CSMD1: variants seen among roughly 807,000 people sequenced by gnomAD.
CSMD1 encodes CUB and Sushi multiple domains 1, also known as CUB and sushi domain-containing protein 1.
A neutral mutation model predicts 417.5 loss-of-function variants in CSMD1; 213 were observed. The observed-to-expected ratio is 0.51, with a 90% CI of 0.46 to 0.57. The LOEUF (loss-of-function observed/expected upper bound fraction) is 0.57, where lower values mean the gene tolerates loss of function less well. Ranked by LOEUF, CSMD1 falls within the 20% of genes least tolerant of loss-of-function variation. The pLI, the probability that CSMD1 is intolerant of heterozygous loss-of-function variation, is 0.00. For synonymous variants in CSMD1, 2,862 were observed against 1,736.8 expected, an observed-to-expected ratio of 1.65 and a Z score of -16.11; for missense variants, 6,923 against 4,529.7, an observed-to-expected ratio of 1.53 and a Z score of -15.17.
chr8:3,262,851 T>C (rs1033128265), intron 26 of CSMD1, among the ~76,000 whole-genome samples: 9 of 152,230 alleles, frequency 5.9e-5, no homozygotes, highest in Admixed American at 1.3e-4. Context: ...AAAATGTATG[T>C]AATAGAAATA....
chr8:4,101,262 G>C lies in CSMD1; in HGVS notation c.416-69163C>G, dbSNP rs151178651. On this transcript the variant is annotated intron_variant, in intron 3 of 69. Transcript: ENST00000635120. ...GTTTCTCCCCTGAGGTTAACTCATTGCAACACTTTGGTGTTCTTCCAAACT... is the reference window on the plus strand; with the variant it reads ...GTTTCTCCCCTGAGGTTAACTCATTCCAACACTTTGGTGTTCTTCCAAACT... Among the ~76,000 whole-genome samples, 91 of 152,218 alleles carry C rather than the reference G, an allele frequency of 6.0e-4. 1 individual carries two copies. Among genetic ancestry groups the C allele is most frequent in the Non-Finnish European group, 1.1e-3 (76 of 68,000 alleles).
chr8:3,494,904 T>C (rs1796303508), intron 10 of CSMD1, among the ~76,000 whole-genome samples: 3 of 152,194 alleles, frequency 2.0e-5, no homozygotes, highest in African/African-American at 7.2e-5. Flanking sequence ...AGTGGTAGCA[T>C]AGAGAAGACA....
intron 37 of CSMD1, among the ~76,000 whole-genome samples, 170 bp downstream of exon 37, chr8:3,180,940 G>C (rs1821283364): frequency 6.6e-6 from 1 of 152,062 alleles, no homozygotes; most frequent in South Asian, 2.1e-4. Flanking sequence ...CACCGCAACT[G>C]GCTTATGTAT....
intron 10 of CSMD1, among the ~76,000 whole-genome samples, chr8:3,499,348 TG>T (rs1411732711): frequency 6.6e-6 from 1 of 152,060 alleles, no homozygotes; most frequent in African/African-American, 2.4e-5. Flanking sequence ...ATGGAGACTT[TG>T]GGGTGGCCTT....
intron 3 of CSMD1, among the ~76,000 whole-genome samples, chr8:4,315,825 A>C (rs1798891286): frequency 6.6e-6 from 1 of 152,174 alleles, no homozygotes; most frequent in Non-Finnish European, 1.5e-5. Flanking sequence ...ATTCTTCAGA[A>C]GCGTTTTCAA....
intron 10 of CSMD1, among the ~76,000 whole-genome samples, chr8:3,506,247 G>A (rs923106384): frequency 6.6e-6 from 1 of 152,182 alleles, no homozygotes; most frequent in African/African-American, 2.4e-5. Context: ...AGGTGAGCCA[G>A]GCTCTATGTC....
At chr8:3,996,105 C>G (rs552343497) in intron 5 of CSMD1, among the ~76,000 whole-genome samples, 40 of 152,294 alleles carry the variant, frequency 2.6e-4, no homozygotes, top group African/African-American at 8.7e-4. Flanking sequence ...TCTGTATTTT[C>G]TGACACAAAC....
At chr8:3,618,314 C>T (rs968662109) in intron 7 of CSMD1, among the ~76,000 whole-genome samples, 1 of 152,106 alleles carries the variant, frequency 6.6e-6, no homozygotes, top group Non-Finnish European at 1.5e-5. Context: ...CAAAATTTAT[C>T]TTTTACTACT....
intron 5 of CSMD1, among the ~76,000 whole-genome samples, chr8:3,972,426 T>C (rs913063993): frequency 1.3e-5 from 2 of 152,186 alleles, no homozygotes; most frequent in South Asian, 4.1e-4. Context: ...TAACATTTAA[T>C]GTAACTTTAG....
intron 3 of CSMD1, among the ~76,000 whole-genome samples, chr8:4,167,195 G>C (rs768042572): frequency 6.6e-6 from 1 of 151,954 alleles, no homozygotes; most frequent in Admixed American, 6.6e-5. Flanking sequence ...TTTTCCAGAG[G>C]GCCTGTATTT....
intron 7 of CSMD1, among the ~76,000 whole-genome samples, chr8:3,701,478 C>T (rs1433281903): frequency 2.0e-5 from 3 of 150,136 alleles, no homozygotes; most frequent in African/African-American, 7.4e-5. Context: ...GACATGAGGG[C>T]AAAAGACTCT....
chr8:3,179,549 C>G (rs946015142), intron 37 of CSMD1, among the ~76,000 whole-genome samples: 1 of 152,036 alleles, frequency 6.6e-6, no homozygotes, highest in Non-Finnish European at 1.5e-5. Flanking sequence ...GGGGCTGAAG[C>G]CCAGGTAAGT....
At chr8:4,284,886 T>C (rs947176208) in intron 3 of CSMD1, among the ~76,000 whole-genome samples, 2 of 152,182 alleles carry the variant, frequency 1.3e-5, no homozygotes, top group African/African-American at 4.8e-5. Flanking sequence ...AAAACACTTT[T>C]CTGTCTCCTC....
At chr8:4,945,625 G>A (rs1808312947) in intron 1 of CSMD1, among the ~76,000 whole-genome samples, 1 of 152,014 alleles carries the variant, frequency 6.6e-6, no homozygotes, top group South Asian at 2.1e-4. Context: ...ATGTATTCAA[G>A]GTGATAAAGT....
intron 12 of CSMD1, among the ~76,000 whole-genome samples, chr8:3,449,917 G>A (rs533866463): frequency 1.6e-4 from 24 of 152,290 alleles, no homozygotes; most frequent in Admixed American, 2.0e-4. Flanking sequence ...GGACATTTAA[G>A]AAAAACTATT....
chr8:4,343,180 T>G (rs1244554247), intron 3 of CSMD1, among the ~76,000 whole-genome samples: 1 of 151,948 alleles, frequency 6.6e-6, no homozygotes, highest in African/African-American at 2.4e-5. Context: ...ATACAAGGAG[T>G]GCTTCAGCTT....
At chr8:3,705,975 C>G (rs374671859) in intron 7 of CSMD1, among the ~76,000 whole-genome samples, 1 of 152,242 alleles carries the variant, frequency 6.6e-6, no homozygotes, top group Non-Finnish European at 1.5e-5. Context: ...ACGTAAAGCA[C>G]TTTCATACTC....
chr8:3,932,276 A>T (rs1261932795), intron 5 of CSMD1, among the ~76,000 whole-genome samples: 1 of 150,540 alleles, frequency 6.6e-6, no homozygotes, highest in Non-Finnish European at 1.5e-5. Context: ...GTTGGTTGAG[A>T]ATTCTCAAGA....
intron 1 of CSMD1, among the ~76,000 whole-genome samples, chr8:4,822,859 T>C (rs1269488176): frequency 3.3e-5 from 5 of 152,108 alleles, no homozygotes; most frequent in East Asian, 1.9e-4. Flanking sequence ...CTCCGTCAGA[T>C]TGTCTTTTTC....
Sources: gnomAD v4.1 joint callset for allele counts (sites outside exome capture counted in the v4.1 genomes callset) on GRCh38, gnomAD v4.1.1 for gene constraint, MANE v1.5 for transcripts, NCBI Gene and HGNC (gene_info 2026-07-23, HGNC 2026-07-21) for gene names.